The following CCDC85A variants were observed in gnomAD, a reference collection of about 807,000 sequenced individuals.
CCDC85A encodes coiled-coil domain-containing protein 85A.
Under a neutral mutation model 50.2 loss-of-function variants are expected in CCDC85A, and 38 were observed. The observed-to-expected ratio is 0.76, with a 90% CI of 0.58 to 0.99. CCDC85A has a LOEUF of 0.99. Among genes scored for constraint, CCDC85A ranks in the 50% least tolerant of loss-of-function variants. The pLI is 0.00. For missense variants in CCDC85A, 820 were observed against 742.0 expected (o/e 1.11, Z -1.22); for synonymous variants, 366 against 301.4 (o/e 1.21, Z -2.22).
At chr2:56,321,376 G>A (rs1265772315) in intron 2 of CCDC85A, among the ~76,000 whole-genome samples, 1 of 152,112 alleles carries the variant, frequency 6.6e-6, no homozygotes, top group Non-Finnish European at 1.5e-5. Context: ...TGACGTGATT[G>A]TATATATTTA....
At chr2:56,225,864 C>T (rs1221949247) in intron 2 of CCDC85A, among the ~76,000 whole-genome samples, 1 of 152,118 alleles carries the variant, frequency 6.6e-6, no homozygotes, top group Non-Finnish European at 1.5e-5. Context: ...AAATCTCCTG[C>T]TTTTTGTGTG....
Position 56,218,398 on chromosome 2 carries a change from A to C in CCDC85A, c.1240+24958A>C, listed in dbSNP as rs150773238. ...GTAGCAAATTAGAAAAAACGCTTAA[A>C]ATTCAAGAAGATGAAAACACCATCT... is the stretch of plus-strand genomic sequence containing the variant. On this transcript the variant is annotated intron_variant, in intron 2 of 5. Coordinates refer to ENST00000407595, the MANE Select transcript of CCDC85A (RefSeq NM_001080433.2). 3.5e-3 allele frequency among the ~76,000 whole-genome samples: 535 copies of C among 151,986 alleles called. 7 individuals are homozygous for C. The highest frequency in any genetic ancestry group is 0.012 in the African/African-American group (510 of 41,530).
chr2:56,341,242 G>C (rs73940675), intron 2 of CCDC85A, among the ~76,000 whole-genome samples: 4,631 of 152,258 alleles, frequency 0.03, 233 homozygotes, highest in African/African-American at 0.1. Flanking sequence ...ACACGCTTGA[G>C]ACCACTCGCC....
chr2:56,278,949 G>A (rs1671083263), intron 2 of CCDC85A, among the ~76,000 whole-genome samples: 1 of 152,190 alleles, frequency 6.6e-6, no homozygotes, highest in African/African-American at 2.4e-5. Flanking sequence ...ATCAACAGGA[G>A]GCACGAGGGG....
chr2:56,350,228 A>G (rs1573315988), intron 3 of CCDC85A, among the ~76,000 whole-genome samples: 1 of 148,698 alleles, frequency 6.7e-6, no homozygotes, highest in Admixed American at 6.8e-5. Context: ...GTGCAGTGGC[A>G]CTACCTTGGC....
chr2:56,256,259 GGAATATA>G (rs1267845207), intron 2 of CCDC85A, among the ~76,000 whole-genome samples: 2 of 152,112 alleles, frequency 1.3e-5, no homozygotes, highest in African/African-American at 4.8e-5. Context: ...TATTTCTATG[GGAATATA>G]GAATGAACCT....
intron 2 of CCDC85A, among the ~76,000 whole-genome samples, chr2:56,296,412 A>T (rs1671950859): frequency 6.6e-6 from 1 of 152,190 alleles, no homozygotes; most frequent in Non-Finnish European, 1.5e-5. Context: ...CATAAACAGC[A>T]AGTGAAATGA....
intron 4 of CCDC85A, among the ~76,000 whole-genome samples, chr2:56,373,062 A>G (rs1676160960): frequency 6.6e-6 from 1 of 152,344 alleles, no homozygotes; most frequent in Non-Finnish European, 1.5e-5. Context: ...CTAAGCGCAT[A>G]GAAAACTAAC....
intron 2 of CCDC85A, among the ~76,000 whole-genome samples, chr2:56,341,683 G>A (rs971601005): frequency 3.9e-5 from 6 of 152,130 alleles, no homozygotes; most frequent in African/African-American, 1.4e-4. Context: ...GTTCAGTATG[G>A]AACAGAAGCT....
At chr2:56,307,771 C>G (rs996470300) in intron 2 of CCDC85A, among the ~76,000 whole-genome samples, 1 of 152,102 alleles carries the variant, frequency 6.6e-6, no homozygotes, top group Non-Finnish European at 1.5e-5. Flanking sequence ...CTTTAAAATT[C>G]GTGTCTTTTT....
At chr2:56,300,175 CT>C (rs1399189859) in intron 2 of CCDC85A, among the ~76,000 whole-genome samples, 2 of 149,750 alleles carry the variant, frequency 1.3e-5, no homozygotes, top group Non-Finnish European at 3.0e-5. Context: ...ACCTTAGACA[CT>C]GGGGGAGTAA....
chr2:56,382,581 A>G (rs1676642391), intron 5 of CCDC85A, among the ~76,000 whole-genome samples: 1 of 151,994 alleles, frequency 6.6e-6, no homozygotes. Flanking sequence ...GGACAGTTGA[A>G]ATACCTGATT....
intron 4 of CCDC85A, 104 bp downstream of exon 4, chr2:56,372,582 A>G: frequency 1.6e-6 from 2 of 1,256,992 alleles, no homozygotes; most frequent in Non-Finnish European, 2.1e-6. Flanking sequence ...AAGTTCATAC[A>G]CATGAAAGAA....
chr2:56,354,429 A>G (rs945893343), intron 3 of CCDC85A, among the ~76,000 whole-genome samples: 1 of 152,228 alleles, frequency 6.6e-6, no homozygotes, highest in African/African-American at 2.4e-5. Context: ...AGAATAATAC[A>G]AAGAGGAAGA....
intron 2 of CCDC85A, among the ~76,000 whole-genome samples, chr2:56,298,252 A>G (rs7580288): frequency 0.019 from 2,829 of 152,266 alleles, 105 homozygotes; most frequent in African/African-American, 0.064. Context: ...ATGATGCCCA[A>G]TACTCTGAGT....
chr2:56,310,513 G>A (rs981019077), intron 2 of CCDC85A, among the ~76,000 whole-genome samples: 2 of 152,096 alleles, frequency 1.3e-5, no homozygotes, highest in Non-Finnish European at 2.9e-5. Context: ...CGTGGCCTAA[G>A]CAAGTTTGGA....
chr2:56,271,951 A>C (rs1210482245), intron 2 of CCDC85A, among the ~76,000 whole-genome samples: 1 of 152,124 alleles, frequency 6.6e-6, no homozygotes, highest in Non-Finnish European at 1.5e-5. Context: ...CAGTCTTTTA[A>C]TTTCTGCCTA....
chr2:56,253,637 A>G (rs1196215397), intron 2 of CCDC85A, among the ~76,000 whole-genome samples: 1 of 152,174 alleles, frequency 6.6e-6, no homozygotes, highest in Middle Eastern at 3.2e-3. Flanking sequence ...AGTTATTGCA[A>G]TATTCTAAGC....
At chr2:56,201,336 C>T (rs1250299827) in intron 2 of CCDC85A, among the ~76,000 whole-genome samples, 1 of 152,048 alleles carries the variant, frequency 6.6e-6, no homozygotes, top group Non-Finnish European at 1.5e-5. Context: ...AGGGATAGAA[C>T]GTTTAGATTA....
Sources: gnomAD v4.1 joint callset for allele counts (sites outside exome capture counted in the v4.1 genomes callset) on GRCh38, gnomAD v4.1.1 for gene constraint, MANE v1.5 for transcripts, NCBI Gene and HGNC (gene_info 2026-07-23, HGNC 2026-07-21) for gene names.